KCNJ15: variants seen among roughly 807,000 people sequenced by gnomAD.
KCNJ15 encodes the protein ATP-sensitive inward rectifier potassium channel 15.
A neutral mutation model predicts 23.0 loss-of-function variants in KCNJ15; 14 were observed. That is an observed-to-expected ratio of 0.61 (90% CI 0.40 to 0.95). KCNJ15 has a LOEUF of 0.95. Ranked by LOEUF, KCNJ15 falls within the 40% of genes least tolerant of loss-of-function variation. KCNJ15 has a pLI of 0.00. For missense variants in KCNJ15, 388 were observed against 461.8 expected (o/e 0.84, Z 1.46); for synonymous variants, 185 against 183.2 (o/e 1.01, Z -0.08).
At chr21:38,253,234 G>C (rs547331032), upstream of KCNJ15, among the ~76,000 whole-genome samples, 2 of 152,090 alleles carry the variant, frequency 1.3e-5, no homozygotes, top group Non-Finnish European at 1.5e-5. Context: ...AATTGCCTGC[G>C]CATTTTTGTC....
chr21:38,260,746 T>C (rs1445375037), intron 1 of KCNJ15, among the ~76,000 whole-genome samples: 1 of 152,196 alleles, frequency 6.6e-6, no homozygotes, highest in Non-Finnish European at 1.5e-5. Context: ...TGGAAGGTCA[T>C]GTCTGCACTA....
chr21:38,283,426 C>T (rs1338825241), intron 1 of KCNJ15, among the ~76,000 whole-genome samples: 1 of 152,042 alleles, frequency 6.6e-6, no homozygotes, highest in Admixed American at 6.5e-5. Context: ...GAGAGATTAC[C>T]CTGCATATTT....
rs531356019 is a variant in KCNJ15 at position 38,305,131 on chromosome 21, T to C, written c.*4742T>C. 1 of 149,970 alleles carries C rather than the reference T, an allele frequency of 6.7e-6. No individual in the cohort carries two copies. The highest frequency in any genetic ancestry group is 2.4e-5 in the African/African-American group (1 of 41,000). 9.3% of individuals were successfully genotyped at this position (149,970 alleles called of 1,614,324 possible). ...AAAAGAAAAGAAAAGAAAATAAACGTGGCAAAACTAGACCTTCAGACACTT... is the reference window on the plus strand; with the variant it reads ...AAAAGAAAAGAAAAGAAAATAAACGCGGCAAAACTAGACCTTCAGACACTT... On this transcript the variant is annotated 3_prime_UTR_variant, in exon 3 of 3. Coordinates refer to ENST00000398938, the MANE Select transcript of KCNJ15 (RefSeq NM_170736.3).
Position 38,300,928 on chromosome 21 carries a change from A to G in KCNJ15, c.*539A>G, listed in dbSNP as rs1319569063. On this transcript the variant is annotated 3_prime_UTR_variant, in exon 3 of 3. Coordinates refer to ENST00000398938, the MANE Select transcript of KCNJ15 (RefSeq NM_170736.3). ...TAGAGAGACTCTATGTTCACAAAAT[A>G]TAGTAATTTCATTTTTACCTTTCTT... 1 of 167,224 alleles carries G rather than the reference A, an allele frequency of 6.0e-6. No individual in the cohort carries two copies. Among genetic ancestry groups the G allele is most frequent in the East Asian group, 1.9e-4 (1 of 5,210 alleles). The allele number at this position is 167,224 out of a possible 1,614,324, so 10.4% of individuals were successfully genotyped here.
chr21:38,306,729 T>G lies in KCNJ15; in HGVS notation c.*6340T>G, dbSNP rs548035192. 3 of 152,208 alleles carry G rather than the reference T, an allele frequency of 2.0e-5. No homozygotes were observed. Among genetic ancestry groups the G allele is most frequent in the Non-Finnish European group, 4.4e-5 (3 of 68,040 alleles). The allele number at this position is 152,208 out of a possible 1,614,324, so 9.4% of individuals were successfully genotyped here. On this transcript the variant is annotated 3_prime_UTR_variant, in exon 3 of 3. Transcript: ENST00000398938. ...AGGAGAGGAAGGATAGCAGCCGACT[T>G]GGATCCATTTTTGAGGAATTATTTC...
At position 38,305,821 on chromosome 21, in the gene KCNJ15, A is replaced by G. The variant is rs1379149762; in HGVS notation, c.*5432A>G. The G allele has an allele frequency of 1.3e-5, 2 of 152,240 alleles. No individual in the cohort carries two copies. Among genetic ancestry groups the G allele is most frequent in the Non-Finnish European group, 2.9e-5 (2 of 68,036 alleles). 9.4% of individuals were successfully genotyped at this position (152,240 alleles called of 1,614,324 possible). On this transcript the variant is annotated 3_prime_UTR_variant, in exon 3 of 3. Coordinates refer to ENST00000398938, the MANE Select transcript of KCNJ15 (RefSeq NM_170736.3). The stretch of plus-strand genomic sequence containing the variant: ...ATGCCCATTTCTACAAGAGAAATAC[A>G]TGCCTCTTTATTTGGAGTTTATGAT...
chr21:38,288,018 G>A (rs376682385), intron 1 of KCNJ15, among the ~76,000 whole-genome samples: 8 of 26,018 alleles, frequency 3.1e-4, no homozygotes, highest in Non-Finnish European at 8.2e-4. Context: ...TAAATAACTT[G>A]TTTTTTTCTT....
chr21:38,257,435 G>A (rs1260621426), intron 1 of KCNJ15, among the ~76,000 whole-genome samples: 2 of 152,142 alleles, frequency 1.3e-5, no homozygotes, highest in South Asian at 2.1e-4. Context: ...TCCAGATGTC[G>A]TCTTGTTTGC....
chr21:38,269,463 C>T (rs888935887), intron 1 of KCNJ15, among the ~76,000 whole-genome samples: 2 of 152,312 alleles, frequency 1.3e-5, no homozygotes, highest in Admixed American at 1.3e-4. Context: ...TTACCCTTGT[C>T]ATTGTTTTTT....
At chr21:38,247,528 GGA>G (rs1979518426) in intron 1 of KCNJ15, among the ~76,000 whole-genome samples, 11 of 51,960 alleles carry the variant, frequency 2.1e-4, no homozygotes, top group Non-Finnish European at 4.2e-4. Flanking sequence ...ATAGGTGGAT[GGA>G]TGGATGGATG....
At chr21:38,291,584 A>C (rs894568305) in intron 1 of KCNJ15, 2 of 152,214 alleles carry the variant, frequency 1.3e-5, no homozygotes, top group African/African-American at 4.8e-5. Context: ...TTCTTGGCTT[A>C]TTCATTTTCT....
At chr21:38,247,653 T>A (rs541936671) in intron 1 of KCNJ15, among the ~76,000 whole-genome samples, 2 of 152,276 alleles carry the variant, frequency 1.3e-5, no homozygotes, top group African/African-American at 4.8e-5. Context: ...AATGCTGAAG[T>A]TAATAGAATC....
intron 1 of KCNJ15, among the ~76,000 whole-genome samples, chr21:38,284,888 C>T (rs957409640): frequency 1.3e-5 from 2 of 152,192 alleles, no homozygotes; most frequent in African/African-American, 2.4e-5. Context: ...GACTTTCTCC[C>T]CAGTTCTTCC....
chr21:38,247,470 A>G (rs1979506583), intron 1 of KCNJ15, among the ~76,000 whole-genome samples: 1 of 151,716 alleles, frequency 6.6e-6, no homozygotes, highest in Admixed American at 6.6e-5. Flanking sequence ...GAATGGATGT[A>G]TGGATAAACG....
intron 1 of KCNJ15, among the ~76,000 whole-genome samples, chr21:38,296,140 A>G (rs1316002139): frequency 6.6e-6 from 1 of 152,200 alleles, no homozygotes; most frequent in Non-Finnish European, 1.5e-5. Context: ...GTAATAGATC[A>G]ATAATTGACA....
At chr21:38,272,953 G>A (rs1220146402) in intron 1 of KCNJ15, among the ~76,000 whole-genome samples, 1 of 152,164 alleles carries the variant, frequency 6.6e-6, no homozygotes, top group Non-Finnish European at 1.5e-5. Flanking sequence ...GCCAAAGACT[G>A]CTTTCAATAG....
chr21:38,260,128 G>A (rs188502637), intron 1 of KCNJ15, among the ~76,000 whole-genome samples: 158 of 152,160 alleles, frequency 1.0e-3, no homozygotes, highest in African/African-American at 3.4e-3. Context: ...CTCTATGCCC[G>A]TGATTCTCCA....
upstream of KCNJ15, among the ~76,000 whole-genome samples, chr21:38,255,962 G>A (rs781418808): frequency 7.2e-5 from 11 of 152,186 alleles, no homozygotes; most frequent in African/African-American, 1.2e-4. Flanking sequence ...GACCGTTTGC[G>A]TCTCTTGGCA....
At chr21:38,250,083 A>G (rs1979719291) in intron 1 of KCNJ15, among the ~76,000 whole-genome samples, 1 of 152,226 alleles carries the variant, frequency 6.6e-6, no homozygotes. Flanking sequence ...CACTTTACGT[A>G]ACTTAGCCAA....
Sources: gnomAD v4.1 joint callset for allele counts (sites outside exome capture counted in the v4.1 genomes callset) on GRCh38, gnomAD v4.1.1 for gene constraint, MANE v1.5 for transcripts, NCBI Gene and HGNC (gene_info 2026-07-23, HGNC 2026-07-21) for gene names.